EIF2A: variants seen among roughly 807,000 people sequenced by gnomAD.
EIF2A encodes 65 kDa eukaryotic translation initiation factor 2A.
Under a neutral mutation model 75.2 loss-of-function variants are expected in EIF2A, and 62 were observed. The observed-to-expected ratio is 0.82, with a 90% CI of 0.67 to 1.02. The LOEUF is 1.02. Ranked by LOEUF, EIF2A falls within the 50% of genes least tolerant of loss-of-function variation. The pLI is 0.00. For missense variants in EIF2A, 611 were observed against 677.7 expected, an observed-to-expected ratio of 0.90 and a Z score of 1.09; for synonymous variants, 207 against 239.0, an observed-to-expected ratio of 0.87 and a Z score of 1.23.
At chr3:150,557,092 G>T (rs1156423917) in intron 2 of EIF2A, among the ~76,000 whole-genome samples, 1 of 152,130 alleles carries the variant, frequency 6.6e-6, no homozygotes, top group East Asian at 1.9e-4. Context: ...AGGACTGTTG[G>T]TGAGCCACAG....
chr3:150,583,192 GT>G lies in EIF2A; in HGVS notation c.1627-5del. 6.2e-7 allele frequency: 1 copy of G among 1,610,094 alleles called. No homozygotes were observed. Among genetic ancestry groups the G allele is most frequent in the Non-Finnish European group, 8.5e-7 (1 of 1,178,786 alleles). On this transcript the variant is annotated splice_polypyrimidine_tract_variant and splice_region_variant and intron_variant, in intron 12 of 13. Transcript: ENST00000460851. ...TCCATGCTCTTGACTCATATTTGAT[GT>G]TTGCAGAAACTGAAAGCAATCGAAC... is the stretch of plus-strand genomic sequence containing the variant.
rs557226422 is a variant in EIF2A, at chr3:150,562,250, A to G, written c.174-292A>G. Among the ~76,000 whole-genome samples, 30 of 151,958 alleles carry G rather than the reference A, an allele frequency of 2.0e-4. 1 individual carries two copies. Among genetic ancestry groups the G allele is most frequent in the East Asian group, 7.9e-4 (4 of 5,084 alleles). ...ATCCTGGCTAACACGGTGAAACCCC[A>G]TCTCTACTAAAAATACAAAAAATTA... On this transcript the variant is annotated intron_variant, in intron 3 of 13. Coordinates refer to ENST00000460851, the MANE Select transcript of EIF2A (RefSeq NM_032025.5).
intron 11 of EIF2A, among the ~76,000 whole-genome samples, chr3:150,579,988 T>TAA (rs1725085547): frequency 1.3e-5 from 2 of 152,124 alleles, no homozygotes; most frequent in South Asian, 4.1e-4. Context: ...CCAAAATATA[T>TAA]ATCTTGTCAT....
chr3:150,563,572 G>A lies in EIF2A; in HGVS notation c.350G>A (p.Gly117Glu). ...PNLQLYDVKT[G>E]TCLKSFIQKK... Reference sequence around the variant, plus strand: ...CTACAACTTTATGATGTGAAAACTGGGACATGTTTGAAATCTTTCATCCAG... The same window carrying A: ...CTACAACTTTATGATGTGAAAACTGAGACATGTTTGAAATCTTTCATCCAG... Residue 117 changes from glycine to glutamate, a missense_variant, in exon 5 of 14, where the codon GGG becomes GAG. By Grantham distance (98) the Gly-to-Glu change is moderately conservative. Transcript: ENST00000460851. 2 of 1,541,148 alleles carry A rather than the reference G, an allele frequency of 1.3e-6. No homozygotes were observed. Among genetic ancestry groups the A allele is most frequent in the South Asian group, 2.5e-5 (2 of 80,124 alleles).
chr3:150,561,924 A>G (rs1559877678), intron 3 of EIF2A, among the ~76,000 whole-genome samples: 1 of 151,344 alleles, frequency 6.6e-6, no homozygotes, highest in East Asian at 2.0e-4. Flanking sequence ...ACGCCCGGCT[A>G]ATTTTTGTAG....
At chr3:150,577,252 A>T (rs1456053465) in intron 11 of EIF2A, among the ~76,000 whole-genome samples, 1 of 152,126 alleles carries the variant, frequency 6.6e-6, no homozygotes, top group Non-Finnish European at 1.5e-5. Context: ...ACCTTTTAAT[A>T]CTATTACATT....
rs566837449 is a variant in EIF2A, at chr3:150,576,303, G to A, written c.1497+541G>A. 3.2e-4 allele frequency among the ~76,000 whole-genome samples: 49 copies of A among 152,004 alleles called. No homozygotes were observed. In the South Asian group the frequency reaches 8.7e-3, roughly 27 times the overall value. The stretch of plus-strand genomic sequence containing the variant: ...AAAATTTTTTGCTGGGCACAATGGC[G>A]TGTACCCCGTAGTCCCAGCTGCTTG... On this transcript the variant is annotated intron_variant, in intron 11 of 13. Coordinates refer to ENST00000460851, the MANE Select transcript of EIF2A (RefSeq NM_032025.5).
chr3:150,581,698 A>T lies in EIF2A; in HGVS notation c.1578A>T (p.Ser526=). ...CACCACGAAACACTGTCTCTCAGTCAATTTCTGGGGACCCTGAGATAGACA... is the reference window on the plus strand; with the variant it reads ...CACCACGAAACACTGTCTCTCAGTCTATTTCTGGGGACCCTGAGATAGACA... ...QSTPRNTVSQ[S]ISGDPEIDKK... is the part of the protein sequence containing the mutation. The change falls in exon 12 of 14, where the codon TCA becomes TCT. Residue 526 remains serine (S), a synonymous_variant. Transcript: ENST00000460851. 1 of 1,554,596 alleles carries T rather than the reference A, an allele frequency of 6.4e-7. No homozygotes were observed. Among genetic ancestry groups the T allele is most frequent in the East Asian group, 2.4e-5 (1 of 41,270 alleles).
At position 150,575,811 on chromosome 3, in the gene EIF2A, G is replaced by A. The variant is rs546285372; in HGVS notation, c.1497+49G>A. ...ACAAAACAAATAGTCAGTTATGGCCGGGCGCAGTGGCTCACGCCCGTAATC... is the reference window on the plus strand; with the variant it reads ...ACAAAACAAATAGTCAGTTATGGCCAGGCGCAGTGGCTCACGCCCGTAATC... On this transcript the variant is annotated intron_variant, in intron 11 of 13. Transcript: ENST00000460851. 14 of 1,479,324 alleles carry A rather than the reference G, an allele frequency of 9.5e-6. No homozygotes were observed. In the African/African-American group the frequency reaches 1.1e-4, roughly 12 times the overall value. 91.6% of individuals were successfully genotyped at this position (1,479,324 alleles called of 1,614,324 possible).
intron 11 of EIF2A, among the ~76,000 whole-genome samples, chr3:150,579,980 A>G: frequency 7.6e-6 from 1 of 131,398 alleles, no homozygotes. Context: ...CCCTCTTACC[A>G]AAATATATAT....
At chr3:150,560,707 A>G (rs1250524362) in intron 3 of EIF2A, among the ~76,000 whole-genome samples, 1 of 143,492 alleles carries the variant, frequency 7.0e-6, no homozygotes, top group African/African-American at 2.5e-5. Flanking sequence ...CTGGAATAAG[A>G]TGGAGAGTCT....
chr3:150,563,395 G>A, intron 4 of EIF2A, 120 bp from the exon 5 acceptor site: 2 of 738,822 alleles, frequency 2.7e-6, no homozygotes, highest in Non-Finnish European at 4.3e-6. Context: ...GTAACACAGA[G>A]GCAAGCTTTC....
intron 2 of EIF2A, among the ~76,000 whole-genome samples, chr3:150,553,495 GC>G (rs1723420968): frequency 1.3e-5 from 2 of 151,840 alleles, no homozygotes; most frequent in African/African-American, 2.4e-5. Context: ...TGCAACCTCT[GC>G]CCCCCAGGTT....
chr3:150,564,322 A>G lies in EIF2A; in HGVS notation c.416A>G (p.Glu139Gly). The G allele has an allele frequency of 6.3e-7, 1 of 1,597,906 alleles. No homozygotes were observed. The highest frequency in any genetic ancestry group is 8.5e-7 in the Non-Finnish European group (1 of 1,174,118). ...AGGTGTCCATCCTGGTCAGAAGATGAAACTCTTTGTGCCCGCAATGTTAAC... is the reference window on the plus strand; with the variant it reads ...AGGTGTCCATCCTGGTCAGAAGATGGAACTCTTTGTGCCCGCAATGTTAAC... ...QNWCPSWSED[E>G]TLCARNVNNE... Residue 139 changes from glutamate to glycine, a missense_variant, in exon 6 of 14, where the codon GAA (glutamate) becomes GGA (glycine). Transcript: ENST00000460851.
chr3:150,572,866 A>AC (rs1305595899), intron 10 of EIF2A, among the ~76,000 whole-genome samples: 1 of 151,860 alleles, frequency 6.6e-6, no homozygotes, highest in Non-Finnish European at 1.5e-5. Flanking sequence ...AAAAAAAAAA[A>AC]AAAAAACAAC....
chr3:150,551,732 AT>A (rs1201952037), intron 1 of EIF2A, among the ~76,000 whole-genome samples: 1 of 152,198 alleles, frequency 6.6e-6, no homozygotes, highest in Non-Finnish European at 1.5e-5. Flanking sequence ...TCTCAAAAAA[AT>A]AAATAAATTT....
intron 10 of EIF2A, among the ~76,000 whole-genome samples, chr3:150,573,686 C>T (rs1267493728): frequency 6.6e-6 from 1 of 151,982 alleles, no homozygotes; most frequent in African/African-American, 2.4e-5. Context: ...TTACGTGTAT[C>T]TAATTCCAGA....
chr3:150,574,393 T>C (rs1351997351), intron 10 of EIF2A, among the ~76,000 whole-genome samples: 1 of 152,198 alleles, frequency 6.6e-6, no homozygotes, highest in African/African-American at 2.4e-5. Flanking sequence ...TCTTTTCTTC[T>C]TGTATCATTT....
At chr3:150,572,775 G>T (rs993569412) in intron 10 of EIF2A, among the ~76,000 whole-genome samples, 1 of 149,118 alleles carries the variant, frequency 6.7e-6, no homozygotes. Context: ...AGACTCACTT[G>T]AACCCGGGAG....
Sources: allele counts gnomAD v4.1 joint callset (sites outside exome capture counted in the v4.1 genomes callset), GRCh38; gene constraint gnomAD v4.1.1; transcripts MANE v1.5; gene names NCBI Gene and HGNC (gene_info 2026-07-23, HGNC 2026-07-21).